Variants in GRIK2 observed in about 807,000 individuals in gnomAD.
GRIK2 encodes glutamate receptor ionotropic, kainate 2.
GRIK2 carries 32 observed loss-of-function variants against 100.3 expected under a neutral mutation model. The ratio of observed to expected loss-of-function variants is 0.32; its 90% CI spans 0.24 to 0.43. The LOEUF (loss-of-function observed/expected upper bound fraction) is 0.43, where lower values mean the gene tolerates loss of function less well. Ranked by LOEUF, GRIK2 falls within the 20% of genes least tolerant of loss-of-function variation. The probability of loss-of-function intolerance (pLI) is 1.00; values close to 1 mark genes in which losing one functional copy is unlikely to be tolerated. For missense variants in GRIK2, 843 were observed against 1,114.9 expected, an observed-to-expected ratio of 0.76 and a Z score of 3.47; for synonymous variants, 417 against 389.4, an observed-to-expected ratio of 1.07 and a Z score of -0.83.
At chr6:101,643,775 T>C (rs1781394227) in intron 4 of GRIK2, among the ~76,000 whole-genome samples, 1 of 151,746 alleles carries the variant, frequency 6.6e-6, no homozygotes, top group Non-Finnish European at 1.5e-5. Flanking sequence ...TTATTGGAAT[T>C]TTGATAGAGA....
chr6:102,047,770 T>A (rs569469181), intron 15 of GRIK2, among the ~76,000 whole-genome samples: 55 of 151,274 alleles, frequency 3.6e-4, no homozygotes, highest in African/African-American at 1.1e-3. Flanking sequence ...AAAAAAAAAA[T>A]ATTTCTTCCT....
intron 10 of GRIK2, among the ~76,000 whole-genome samples, chr6:101,819,824 G>C (rs1265822838): frequency 1.3e-5 from 2 of 152,078 alleles, no homozygotes; most frequent in African/African-American, 2.4e-5. Context: ...TTCTGTTCCA[G>C]GCAAATGGTG....
At chr6:101,611,732 A>G (rs1447142782) in intron 2 of GRIK2, among the ~76,000 whole-genome samples, 2 of 151,922 alleles carry the variant, frequency 1.3e-5, no homozygotes, top group East Asian at 3.9e-4. Context: ...CCTCGCCTGG[A>G]AAATGAGTAC....
intron 14 of GRIK2, among the ~76,000 whole-genome samples, chr6:101,937,071 T>A (rs182156175): frequency 1.3e-5 from 2 of 152,288 alleles, no homozygotes; most frequent in East Asian, 1.9e-4. Context: ...AGAAGTTTAA[T>A]CCTTTTCTAA....
intron 2 of GRIK2, among the ~76,000 whole-genome samples, chr6:101,586,623 C>T (rs1348603323): frequency 2.0e-5 from 3 of 151,836 alleles, no homozygotes; most frequent in Non-Finnish European, 4.4e-5. Context: ...TAATCCAGCA[C>T]TTTGAGGGGC....
intron 2 of GRIK2, among the ~76,000 whole-genome samples, chr6:101,529,631 C>T (rs543519269): frequency 7.2e-5 from 11 of 152,042 alleles, no homozygotes; most frequent in Admixed American, 4.6e-4. Context: ...TTATAATGTG[C>T]GAGGCATCGA....
chr6:101,999,854 T>C (rs1794841683), intron 14 of GRIK2, among the ~76,000 whole-genome samples: 2 of 152,096 alleles, frequency 1.3e-5, no homozygotes, highest in Non-Finnish European at 2.9e-5. Context: ...TCTTCTTTAC[T>C]GAAATATTCT....
At chr6:101,592,092 A>G (rs1200173624) in intron 2 of GRIK2, among the ~76,000 whole-genome samples, 1 of 151,984 alleles carries the variant, frequency 6.6e-6, no homozygotes, top group Non-Finnish European at 1.5e-5. Flanking sequence ...GCCTTCTGCC[A>G]TGATTGCAAG....
At chr6:101,637,405 T>C (rs1000699497) in intron 4 of GRIK2, among the ~76,000 whole-genome samples, 1 of 152,178 alleles carries the variant, frequency 6.6e-6, no homozygotes, top group Non-Finnish European at 1.5e-5. Context: ...TCCCTCTTTA[T>C]TGGGTTGCCC....
At chr6:102,041,060 T>TTAAG (rs765208932) in intron 15 of GRIK2, among the ~76,000 whole-genome samples, 7 of 151,560 alleles carry the variant, frequency 4.6e-5, no homozygotes, top group Non-Finnish European at 8.9e-5. Flanking sequence ...GGCATATTTG[T>TTAAG]TAAGTCTAGA....
chr6:101,664,908 C>A (rs1769901034), intron 4 of GRIK2, among the ~76,000 whole-genome samples: 1 of 152,142 alleles, frequency 6.6e-6, no homozygotes. Context: ...AAAATCAGTT[C>A]TTGTGAGACT....
intron 2 of GRIK2, among the ~76,000 whole-genome samples, chr6:101,478,901 T>C (rs1470658580): frequency 1.3e-5 from 2 of 152,166 alleles, no homozygotes; most frequent in African/African-American, 4.8e-5. Flanking sequence ...TTGTATGTTA[T>C]TTGTGGCAGC....
chr6:101,930,277 G>A (rs1247647133), intron 14 of GRIK2, among the ~76,000 whole-genome samples: 1 of 151,866 alleles, frequency 6.6e-6, no homozygotes. Context: ...GGGAGGCAGA[G>A]GTTGTAGTGA....
chr6:101,770,091 A>T (rs1356291791), intron 7 of GRIK2, among the ~76,000 whole-genome samples: 1 of 152,184 alleles, frequency 6.6e-6, no homozygotes, highest in Non-Finnish European at 1.5e-5. Context: ...TGGTTCTGCC[A>T]GGGCTTTTTG....
chr6:101,747,713 C>T (rs1018490016), intron 7 of GRIK2, among the ~76,000 whole-genome samples: 1 of 152,028 alleles, frequency 6.6e-6, no homozygotes, highest in Non-Finnish European at 1.5e-5. Flanking sequence ...ATGCATCATT[C>T]ATTGTTATTT....
chr6:101,770,234 T>A (rs1778313176), intron 7 of GRIK2, among the ~76,000 whole-genome samples: 1 of 152,212 alleles, frequency 6.6e-6, no homozygotes. Context: ...TAAAAACATT[T>A]CTAACATCCT....
rs539568804 is a variant in GRIK2, at chr6:101,437,955, T to C, written c.115+38563T>C. Among the ~76,000 whole-genome samples the C allele has an allele frequency of 8.5e-5, 13 of 152,188 alleles. No homozygotes were observed. The South Asian group carries it at 2.5e-3, about 29-fold the overall frequency. ...CAAAAGGAAATAAAGGATGAAGCAG[T>C]GGGCGGAGAATGTAGACTAGTGGAA... is the stretch of plus-strand genomic sequence containing the variant. On this transcript the variant is annotated intron_variant, in intron 2 of 16. Transcript: ENST00000369134.
chr6:101,567,592 A>G (rs1255378499), intron 2 of GRIK2, among the ~76,000 whole-genome samples: 1 of 152,022 alleles, frequency 6.6e-6, no homozygotes, highest in African/African-American at 2.4e-5. Context: ...CTCAAGAATC[A>G]TTCTAAGTCC....
chr6:101,764,718 A>T (rs73512722), intron 7 of GRIK2, among the ~76,000 whole-genome samples: 1,958 of 152,140 alleles, frequency 0.013, 41 homozygotes, highest in African/African-American at 0.044. Flanking sequence ...ATTATTTTTA[A>T]TGAGTTTCCT....
Sources: allele counts gnomAD v4.1 joint callset (sites outside exome capture counted in the v4.1 genomes callset), GRCh38; gene constraint gnomAD v4.1.1; transcripts MANE v1.5; gene names NCBI Gene and HGNC (gene_info 2026-07-23, HGNC 2026-07-21).